Variants in HGSNAT observed in about 807,000 individuals in gnomAD.
HGSNAT encodes the protein heparan-alpha-glucosaminide N-acetyltransferase, also known as transmembrane protein 76.
In HGSNAT, 59 loss-of-function variants were observed where a neutral mutation model predicts 85.2. The observed-to-expected ratio is 0.69, with a 90% CI of 0.56 to 0.86. The LOEUF is 0.86. Ranked by LOEUF, HGSNAT falls within the 40% of genes least tolerant of loss-of-function variation. The pLI is 0.00. For missense variants in HGSNAT, 756 were observed against 777.1 expected, an observed-to-expected ratio of 0.97 and a Z score of 0.32; for synonymous variants, 321 against 304.5, an observed-to-expected ratio of 1.05 and a Z score of -0.56.
rs200505085 is a variant in HGSNAT, at chr8:43,170,631, A to T, written c.680A>T (p.Gln227Leu). The T allele has an allele frequency of 2.5e-4, 404 of 1,610,328 alleles. 3 individuals carry two copies. Among genetic ancestry groups the T allele is most frequent in the Non-Finnish European group, 4.2e-6 (5 of 1,178,478 alleles). Residue 227 changes from glutamine to leucine, a missense_variant, in exon 7 of 18, where the codon CAG (glutamine) becomes CTG (leucine). Physicochemically the swap from Gln to Leu is moderately radical, Grantham distance 113 (BLOSUM62 -2). Coordinates refer to ENST00000379644, the MANE Select transcript of HGSNAT (RefSeq NM_152419.3). ...ACAGACCCTCTCGATGGTGATGTTC[A>T]GCCAGCAACGTGGCGTCTATCTGCC... Reference protein sequence around the residue: ...SRTDPLDGDVQPATWRLSALP... With the variant: ...SRTDPLDGDVLPATWRLSALP...
At chr8:43,184,412 C>T (rs1804237086) in intron 11 of HGSNAT, among the ~76,000 whole-genome samples, 2 of 152,202 alleles carry the variant, frequency 1.3e-5, no homozygotes, top group African/African-American at 4.8e-5. Flanking sequence ...TTTCATGTGT[C>T]TGTTGGCTGC....
chr8:43,146,625 C>G (rs1001360385), intron 1 of HGSNAT, among the ~76,000 whole-genome samples: 1 of 152,108 alleles, frequency 6.6e-6, no homozygotes, highest in African/African-American at 2.4e-5. Context: ...TCTTAGCACT[C>G]GATGAATATA....
At chr8:43,145,476 G>A (rs561635603) in intron 1 of HGSNAT, among the ~76,000 whole-genome samples, 4 of 152,262 alleles carry the variant, frequency 2.6e-5, no homozygotes, top group East Asian at 1.9e-4. Context: ...ATTGAGGCCC[G>A]GCACAGTGGC....
chr8:43,161,328 A>G, intron 4 of HGSNAT, 110 bp from the exon 5 acceptor site: 1 of 795,672 alleles, frequency 1.3e-6, no homozygotes, highest in South Asian at 1.7e-5. Flanking sequence ...GCATGAGAAT[A>G]TAGGCTTCCC....
chr8:43,169,112 C>T, intron 5 of HGSNAT, 61 bp from the exon 6 acceptor site: 1 of 899,652 alleles, frequency 1.1e-6, no homozygotes, highest in Non-Finnish European at 1.7e-6. Flanking sequence ...ATATAATATC[C>T]AATCATTTAA....
intron 2 of HGSNAT, among the ~76,000 whole-genome samples, chr8:43,147,490 A>C (rs1182108734): frequency 6.6e-6 from 1 of 152,106 alleles, no homozygotes; most frequent in Non-Finnish European, 1.5e-5. Context: ...TGAAGGTTTT[A>C]CTCCTATTCT....
At chr8:43,166,145 G>A (rs1273194093) in intron 5 of HGSNAT, among the ~76,000 whole-genome samples, 1 of 152,128 alleles carries the variant, frequency 6.6e-6, no homozygotes, top group Non-Finnish European at 1.5e-5. Flanking sequence ...TGGTTCAGAA[G>A]GTTTAAGGAA....
intron 11 of HGSNAT, among the ~76,000 whole-genome samples, chr8:43,187,641 T>A (rs201950009): frequency 2.0e-5 from 3 of 151,972 alleles, no homozygotes; most frequent in African/African-American, 7.3e-5. Context: ...AGCCCATTTA[T>A]ATTTAAGGTT....
rs184022010 is a variant in HGSNAT, at chr8:43,183,393, C to T, written c.1128+1133C>T. ...TGTTGCCCAGGCTGGTCTTGAACTCCTGGGCTCAAGTGATTTACCCACCTC... is the reference window on the plus strand; with the variant it reads ...TGTTGCCCAGGCTGGTCTTGAACTCTTGGGCTCAAGTGATTTACCCACCTC... On this transcript the variant is annotated intron_variant, in intron 11 of 17. Coordinates refer to ENST00000379644, the MANE Select transcript of HGSNAT (RefSeq NM_152419.3). Among the ~76,000 whole-genome samples, 737 of 152,064 alleles carry T rather than the reference C, an allele frequency of 4.8e-3. 6 individuals carry two copies. Among genetic ancestry groups the T allele is most frequent in the Middle Eastern group, 0.01 (3 of 292 alleles).
At chr8:43,159,070 T>C (rs778007534) in intron 4 of HGSNAT, 26 bp downstream of exon 4, 1 of 1,597,410 alleles carries the variant, frequency 6.3e-7, no homozygotes, top group Non-Finnish European at 8.5e-7. Context: ...CTGCTGATTT[T>C]CACATTTGCA....
intron 11 of HGSNAT, among the ~76,000 whole-genome samples, chr8:43,188,691 C>T (rs897881084): frequency 2.6e-5 from 4 of 152,328 alleles, no homozygotes; most frequent in East Asian, 1.9e-4. Context: ...CCATTGCTGG[C>T]GAGGTGCTGC....
chr8:43,142,673 A>G (rs945451046), intron 1 of HGSNAT, among the ~76,000 whole-genome samples: 6 of 152,072 alleles, frequency 3.9e-5, no homozygotes, highest in Non-Finnish European at 8.8e-5. Context: ...AGAGATTCTG[A>G]TTTAATTGGT....
rs539113097 is a variant in HGSNAT, at chr8:43,162,521, A to G, written c.563+1014A>G. On this transcript the variant is annotated intron_variant, in intron 5 of 17. Transcript: ENST00000379644. ...AATGCAAATGCTATTTCAGTATATC[A>G]GGATGCTTTTCACGTAAATGGATCT... 2.0e-5 allele frequency among the ~76,000 whole-genome samples: 3 copies of G among 152,086 alleles called. No individual in the cohort carries two copies. In the East Asian group the frequency reaches 5.8e-4, roughly 29 times the overall value.
chr8:43,168,832 G>A (rs1803517434), intron 5 of HGSNAT, among the ~76,000 whole-genome samples: 2 of 152,130 alleles, frequency 1.3e-5, no homozygotes, highest in South Asian at 4.1e-4. Context: ...AGTAAATTTG[G>A]TTGTTTCCAA....
At position 43,190,513 on chromosome 8, in the gene HGSNAT, G is replaced by A. The variant is rs902401085; in HGVS notation, c.1129-961G>A. 9.9e-5 allele frequency among the ~76,000 whole-genome samples: 15 copies of A among 152,096 alleles called. 1 individual carries two copies. Among genetic ancestry groups the A allele is most frequent in the African/African-American group, 3.1e-4 (13 of 41,420 alleles). ...CCTTAGGGTGAAGGACAGGCGAGACGTGCCTGAGTGGGCACAGAGCTTGGT... is the reference window on the plus strand; with the variant it reads ...CCTTAGGGTGAAGGACAGGCGAGACATGCCTGAGTGGGCACAGAGCTTGGT... On this transcript the variant is annotated intron_variant, in intron 11 of 17. Transcript: ENST00000379644.
chr8:43,192,400 C>T lies in HGSNAT; in HGVS notation c.1347C>T (p.Asp449=), dbSNP rs752420375. The change falls in exon 13 of 18, where the codon GAC becomes GAT. Residue 449 remains aspartate (D), a synonymous_variant. Coordinates refer to ENST00000379644, the MANE Select transcript of HGSNAT (RefSeq NM_152419.3). ...ACATCGACCGCCTGCTGCTGGGAGA[C>T]GATCACCTTTACCAGCACCCATCTT... ...AGYIDRLLLG[D]DHLYQHPSSA... The T allele has an allele frequency of 2.6e-5, 42 of 1,613,126 alleles. No individual in the cohort carries two copies. The highest frequency in any genetic ancestry group is 1.7e-4 in the Middle Eastern group (1 of 6,034).
At chr8:43,142,463 A>C (rs1322606308) in intron 1 of HGSNAT, among the ~76,000 whole-genome samples, 1 of 152,116 alleles carries the variant, frequency 6.6e-6, no homozygotes, top group Admixed American at 6.5e-5. Flanking sequence ...TAAGTGATAC[A>C]GACTGTTATT....
chr8:43,187,191 T>C (rs1804346508), intron 11 of HGSNAT, among the ~76,000 whole-genome samples: 2 of 152,336 alleles, frequency 1.3e-5, no homozygotes, highest in African/African-American at 2.4e-5. Flanking sequence ...AATTCCTGGA[T>C]ATCCTTGTTA....
At chr8:43,192,925 A>G (rs1804590291) in intron 13 of HGSNAT, among the ~76,000 whole-genome samples, 1 of 152,146 alleles carries the variant, frequency 6.6e-6, no homozygotes, top group Admixed American at 6.5e-5. Flanking sequence ...GCGGGGGAAT[A>G]AAGGAGGCAG....
Sources: gnomAD v4.1 joint callset for allele counts (sites outside exome capture counted in the v4.1 genomes callset) on GRCh38, gnomAD v4.1.1 for gene constraint, MANE v1.5 for transcripts, NCBI Gene and HGNC (gene_info 2026-07-23, HGNC 2026-07-21) for gene names.